SYNDIG1: variants seen among roughly 807,000 people sequenced by gnomAD.
The protein encoded by SYNDIG1 is synapse differentiation-inducing gene protein 1.
In SYNDIG1, 9 loss-of-function variants were observed where a neutral mutation model predicts 19.4. The ratio of observed to expected loss-of-function variants is 0.46; its 90% confidence interval spans 0.28 to 0.81. The LOEUF is 0.81. Ranked by LOEUF, SYNDIG1 falls within the 30% of genes least tolerant of loss-of-function variation. The pLI, the probability that SYNDIG1 is intolerant of heterozygous loss-of-function variation, is 0.12. For synonymous variants in SYNDIG1, 141 were observed against 145.9 expected (o/e 0.97, Z 0.24); for missense variants, 311 against 343.3 (o/e 0.91, Z 0.74).
At chr20:24,605,697 T>G (rs1042933941) in intron 3 of SYNDIG1, among the ~76,000 whole-genome samples, 1 of 152,238 alleles carries the variant, frequency 6.6e-6, no homozygotes, top group Non-Finnish European at 1.5e-5. Context: ...GGATAGATTT[T>G]TTTTTCCACT....
At chr20:24,606,339 C>T (rs1175645110) in intron 3 of SYNDIG1, among the ~76,000 whole-genome samples, 1 of 152,160 alleles carries the variant, frequency 6.6e-6, no homozygotes, top group African/African-American at 2.4e-5. Context: ...GGGACTGACC[C>T]CTATTGCCAT....
At chr20:24,583,758 T>C (rs1478894129) in intron 2 of SYNDIG1, among the ~76,000 whole-genome samples, 1 of 152,200 alleles carries the variant, frequency 6.6e-6, no homozygotes, top group Non-Finnish European at 1.5e-5. Flanking sequence ...TCATCTGAGC[T>C]GCTTTTCAAA....
intron 3 of SYNDIG1, among the ~76,000 whole-genome samples, chr20:24,593,155 T>C (rs192692784): frequency 6.8e-4 from 104 of 152,338 alleles, no homozygotes; most frequent in Non-Finnish European, 1.3e-3. Context: ...GCTTATTTCA[T>C]CACCCAGGTA....
intron 3 of SYNDIG1, among the ~76,000 whole-genome samples, chr20:24,639,282 A>G (rs779240169): frequency 3.3e-5 from 5 of 152,180 alleles, no homozygotes; most frequent in Admixed American, 6.5e-5. Context: ...AACCAGGTGC[A>G]TGTGCCCACT....
chr20:24,552,539 T>C (rs1456719715), intron 2 of SYNDIG1, among the ~76,000 whole-genome samples: 2 of 145,118 alleles, frequency 1.4e-5, no homozygotes, highest in Non-Finnish European at 3.0e-5. Context: ...TTCCCACCTA[T>C]GAGTGAGAAC....
intron 3 of SYNDIG1, among the ~76,000 whole-genome samples, chr20:24,663,644 T>G (rs1308034076): frequency 6.6e-6 from 1 of 152,140 alleles, no homozygotes; most frequent in Admixed American, 6.5e-5. Context: ...ATTCCGCAAG[T>G]GGGTACTCAG....
intron 3 of SYNDIG1, among the ~76,000 whole-genome samples, chr20:24,607,176 A>G (rs2058768180): frequency 6.6e-6 from 1 of 152,088 alleles, no homozygotes; most frequent in Non-Finnish European, 1.5e-5. Context: ...CCTGGCCAAC[A>G]TGGCAAAAAC....
intron 1 of SYNDIG1, among the ~76,000 whole-genome samples, chr20:24,507,859 A>T (rs1203129635): frequency 6.6e-6 from 1 of 152,138 alleles, no homozygotes; most frequent in Admixed American, 6.5e-5. Context: ...CCACTCAAGG[A>T]GCTCATCTCC....
At chr20:24,601,091 A>G (rs1052654713) in intron 3 of SYNDIG1, among the ~76,000 whole-genome samples, 1 of 152,228 alleles carries the variant, frequency 6.6e-6, no homozygotes, top group African/African-American at 2.4e-5. Flanking sequence ...TGCAAATGGA[A>G]AACAATTATA....
chr20:24,536,821 A>G (rs1253416119), intron 1 of SYNDIG1, among the ~76,000 whole-genome samples: 1 of 152,082 alleles, frequency 6.6e-6, no homozygotes, highest in African/African-American at 2.4e-5. Context: ...CCTCTTCATG[A>G]CCCATTTTTC....
chr20:24,495,879 C>T (rs1180781988), intron 1 of SYNDIG1: 1 of 152,182 alleles, frequency 6.6e-6, no homozygotes, highest in Non-Finnish European at 1.5e-5. Context: ...GAGTCTCACT[C>T]TGTTGCCCAA....
chr20:24,650,001 G>A (rs2059454523), intron 3 of SYNDIG1, among the ~76,000 whole-genome samples: 1 of 152,188 alleles, frequency 6.6e-6, no homozygotes, highest in South Asian at 2.1e-4. Context: ...ACAAACAGAT[G>A]GATCGCATGG....
chr20:24,584,515 C>G (rs1483027907), intron 2 of SYNDIG1, among the ~76,000 whole-genome samples: 1 of 152,220 alleles, frequency 6.6e-6, no homozygotes, highest in Non-Finnish European at 1.5e-5. Context: ...CTGCAAAGTC[C>G]CCAGTCCCAT....
intron 1 of SYNDIG1, among the ~76,000 whole-genome samples, chr20:24,515,473 G>A (rs13041310): frequency 0.74 from 112,946 of 151,814 alleles, 42,244 homozygotes; most frequent in African/African-American, 0.82. Flanking sequence ...TTAAGCTGAT[G>A]AGCAACTTCA....
chr20:24,500,533 CTTTCTTTCTTT>C (rs1568588123), intron 1 of SYNDIG1, among the ~76,000 whole-genome samples: 24 of 104,680 alleles, frequency 2.3e-4, no homozygotes, highest in African/African-American at 8.2e-4. Context: ...TTTCTTTCTT[CTTTCTTTCTTT>C]CTTTCTTTTT....
At chr20:24,601,110 T>C (rs2058673792) in intron 3 of SYNDIG1, among the ~76,000 whole-genome samples, 2 of 152,234 alleles carry the variant, frequency 1.3e-5, no homozygotes, top group Non-Finnish European at 2.9e-5. Flanking sequence ...TATGAATATT[T>C]TCCTTTAATC....
rs1054669455 is a variant in SYNDIG1 at position 24,633,676 on chromosome 20, G to A, written c.619-31670G>A. ...GAACGTTTTAGGATCGTGAAGTCTC[G>A]TCAGCTCCCAAGACCTGCTGACTCG... On this transcript the variant is annotated intron_variant, in intron 3 of 3. Coordinates refer to ENST00000376862, the MANE Select transcript of SYNDIG1 (RefSeq NM_024893.3). Among the ~76,000 whole-genome samples, 24 of 152,116 alleles carry A rather than the reference G, an allele frequency of 1.6e-4. 1 individual carries two copies. The highest frequency in any genetic ancestry group is 2.8e-4 in the Non-Finnish European group (19 of 68,030).
chr20:24,640,070 A>T (rs2059355800), intron 3 of SYNDIG1, among the ~76,000 whole-genome samples: 1 of 152,214 alleles, frequency 6.6e-6, no homozygotes, highest in Admixed American at 6.5e-5. Context: ...GCAATGGCTC[A>T]TGCCTGTAAT....
rs569884191 is a variant in SYNDIG1 at position 24,568,055 on chromosome 20, C to T, written c.481-16801C>T. On this transcript the variant is annotated intron_variant, in intron 2 of 3. Transcript: ENST00000376862. ...ACTTGGGAGGCTGAGGCAGGAGAAT[C>T]GCTTGAATCCGGGAGGCAGAGGTTG... is the stretch of plus-strand genomic sequence containing the variant. Among the ~76,000 whole-genome samples the T allele has an allele frequency of 5.7e-4, 87 of 152,176 alleles. 1 individual carries two copies. The highest frequency in any genetic ancestry group is 2.1e-3 in the African/African-American group (86 of 41,530).
Sources: allele counts gnomAD v4.1 joint callset (sites outside exome capture counted in the v4.1 genomes callset), GRCh38; gene constraint gnomAD v4.1.1; transcripts MANE v1.5; gene names NCBI Gene and HGNC (gene_info 2026-07-23, HGNC 2026-07-21).